SUCLG2: variants seen among roughly 807,000 people sequenced by gnomAD.
SUCLG2 encodes the protein succinate--CoA ligase [GDP-forming] subunit beta, mitochondrial.
In SUCLG2, 42 loss-of-function variants were observed where a neutral mutation model predicts 47.9. That is an observed-to-expected ratio of 0.88 (90% confidence interval 0.69 to 1.14). The LOEUF (loss-of-function observed/expected upper bound fraction) is 1.14. Ranked by LOEUF, SUCLG2 falls within the 50% of genes most tolerant of loss-of-function variation. The pLI is 0.00. For missense variants in SUCLG2, 571 were observed against 525.9 expected, an observed-to-expected ratio of 1.09 and a Z score of -0.84; for synonymous variants, 195 against 197.3, an observed-to-expected ratio of 0.99 and a Z score of 0.10.
At chr3:67,629,255 C>G (rs1454060348) in intron 1 of SUCLG2, among the ~76,000 whole-genome samples, 4 of 152,198 alleles carry the variant, frequency 2.6e-5, no homozygotes, top group Non-Finnish European at 5.9e-5. Flanking sequence ...CTCACACTAA[C>G]TCCCAGAGTT....
At chr3:67,558,513 T>A (rs1416891101) in intron 2 of SUCLG2, among the ~76,000 whole-genome samples, 1 of 152,186 alleles carries the variant, frequency 6.6e-6, no homozygotes. Context: ...GATTCCTCAC[T>A]GTTCTTACCC....
At chr3:67,365,269 G>A (rs1187652053) in intron 10 of SUCLG2, among the ~76,000 whole-genome samples, 1 of 152,168 alleles carries the variant, frequency 6.6e-6, no homozygotes, top group Non-Finnish European at 1.5e-5. Flanking sequence ...ACCAAATTTG[G>A]CTAAAGACAT....
chr3:67,376,269 A>G, intron 10 of SUCLG2: 2 of 985,412 alleles, frequency 2.0e-6, no homozygotes, highest in Non-Finnish European at 2.4e-6. Flanking sequence ...TATGTCCACA[A>G]ATCCACTGCT....
chr3:67,372,059 C>G (rs1435010564), downstream of SUCLG2, among the ~76,000 whole-genome samples: 1 of 152,168 alleles, frequency 6.6e-6, no homozygotes, highest in Non-Finnish European at 1.5e-5. Context: ...GAGAGCTATA[C>G]TGTCCAATAT....
chr3:67,564,048 G>C (rs1242437051), intron 2 of SUCLG2, among the ~76,000 whole-genome samples: 1 of 152,012 alleles, frequency 6.6e-6, no homozygotes, highest in East Asian at 1.9e-4. Context: ...TGATATCTGT[G>C]AAAGAATAGA....
intron 9 of SUCLG2, among the ~76,000 whole-genome samples, chr3:67,485,009 C>T (rs1031355424): frequency 2.0e-5 from 3 of 152,126 alleles, no homozygotes; most frequent in Non-Finnish European, 2.9e-5. Context: ...TCATTCTTGA[C>T]GCCTCCTAAC....
chr3:67,447,675 G>T (rs1435289499), intron 9 of SUCLG2, among the ~76,000 whole-genome samples: 1 of 152,176 alleles, frequency 6.6e-6, no homozygotes, highest in Non-Finnish European at 1.5e-5. Flanking sequence ...GGAAAAGAAA[G>T]TTCATAAAAA....
intron 2 of SUCLG2, among the ~76,000 whole-genome samples, chr3:67,604,217 C>T (rs568374937): frequency 1.3e-5 from 2 of 152,308 alleles, no homozygotes; most frequent in South Asian, 2.1e-4. Context: ...TCCATAACTA[C>T]ACAGCAAAAG....
chr3:67,584,591 GA>G (rs1184823110), intron 2 of SUCLG2, among the ~76,000 whole-genome samples: 1 of 152,136 alleles, frequency 6.6e-6, no homozygotes, highest in Admixed American at 6.5e-5. Context: ...TGTTGCCAAA[GA>G]GTATTCCATT....
chr3:67,401,998 G>A (rs1462538306), intron 9 of SUCLG2, among the ~76,000 whole-genome samples: 2 of 152,136 alleles, frequency 1.3e-5, no homozygotes, highest in East Asian at 1.9e-4. Flanking sequence ...GAAAGCCATC[G>A]GGCGCATTGG....
chr3:67,524,445 A>C (rs1706200991), intron 4 of SUCLG2, among the ~76,000 whole-genome samples: 1 of 152,220 alleles, frequency 6.6e-6, no homozygotes, highest in South Asian at 2.1e-4. Context: ...TTTTAAATTG[A>C]TTACAGAGCA....
rs542109917 is a variant in SUCLG2, at chr3:67,393,863, T to G, written c.1183+6868A>C. Reference sequence around the variant, plus strand: ...ATCAGACAGCAGCATTCGCGGTTCATGAAAACCCACTGTTCTGCAGCCACC... The same window carrying G: ...ATCAGACAGCAGCATTCGCGGTTCAGGAAAACCCACTGTTCTGCAGCCACC... On this transcript the variant is annotated intron_variant, in intron 10 of 10. Coordinates refer to ENST00000307227, the MANE Select transcript of SUCLG2 (RefSeq NM_003848.4). 3.3e-5 allele frequency among the ~76,000 whole-genome samples: 5 copies of G among 152,200 alleles called. No homozygotes were observed. In the South Asian group the frequency reaches 6.2e-4, roughly 19 times the overall value.
chr3:67,395,384 T>C (rs1702500070), intron 10 of SUCLG2, among the ~76,000 whole-genome samples: 1 of 152,104 alleles, frequency 6.6e-6, no homozygotes, highest in African/African-American at 2.4e-5. Context: ...TAGTCTCTGA[T>C]AAAACAGACT....
intron 2 of SUCLG2, among the ~76,000 whole-genome samples, chr3:67,568,787 T>C (rs973324340): frequency 3.9e-5 from 6 of 152,172 alleles, no homozygotes; most frequent in Middle Eastern, 3.4e-3. Flanking sequence ...CTGGGGAGGC[T>C]GAGGCAGGAG....
intron 2 of SUCLG2, among the ~76,000 whole-genome samples, chr3:67,560,933 C>T (rs183925255): frequency 6.0e-5 from 9 of 150,876 alleles, no homozygotes; most frequent in African/African-American, 2.2e-4. Context: ...TTTTTTCCTT[C>T]CCTCCTCACC....
chr3:67,381,194 A>G (rs1273828776), intron 10 of SUCLG2, among the ~76,000 whole-genome samples: 1 of 100,946 alleles, frequency 9.9e-6, no homozygotes, highest in African/African-American at 4.4e-5. Flanking sequence ...AAATAAATAA[A>G]TAAATAAATA....
intron 2 of SUCLG2, among the ~76,000 whole-genome samples, chr3:67,598,066 T>G (rs1253427189): frequency 1.3e-5 from 2 of 151,688 alleles, no homozygotes; most frequent in African/African-American, 4.8e-5. Flanking sequence ...CTGCAACCTC[T>G]GCCTCCTGGG....
At chr3:67,394,332 C>T (rs1198009275) in intron 10 of SUCLG2, among the ~76,000 whole-genome samples, 1 of 151,416 alleles carries the variant, frequency 6.6e-6, no homozygotes, top group Non-Finnish European at 1.5e-5. Flanking sequence ...CTTAAAGGAG[C>T]TGATGGAGCT....
chr3:67,482,993 T>C (rs1311134021), intron 9 of SUCLG2, among the ~76,000 whole-genome samples: 1 of 152,128 alleles, frequency 6.6e-6, no homozygotes, highest in Non-Finnish European at 1.5e-5. Context: ...AACCCACAGA[T>C]AAGCTGGAAG....
Sources: gnomAD v4.1 joint callset for allele counts (sites outside exome capture counted in the v4.1 genomes callset) on GRCh38, gnomAD v4.1.1 for gene constraint, MANE v1.5 for transcripts, NCBI Gene and HGNC (gene_info 2026-07-23, HGNC 2026-07-21) for gene names.